SKAP2: variants seen among roughly 807,000 people sequenced by gnomAD.
SKAP2 encodes src kinase-associated phosphoprotein 2.
SKAP2 carries 28 observed loss-of-function variants against 54.9 expected under a neutral mutation model. The ratio of observed to expected loss-of-function variants is 0.51; its 90% CI spans 0.38 to 0.70. The LOEUF (loss-of-function observed/expected upper bound fraction) is 0.70, where lower values mean the gene tolerates loss of function less well. Among genes scored for constraint, SKAP2 ranks in the 30% least tolerant of loss-of-function variants. The pLI is 0.00. For missense variants in SKAP2, 356 were observed against 424.1 expected, an observed-to-expected ratio of 0.84 and a Z score of 1.41; for synonymous variants, 137 against 134.3, an observed-to-expected ratio of 1.02 and a Z score of -0.14.
At chr7:26,775,696 C>A (rs982970188) in intron 4 of SKAP2, among the ~76,000 whole-genome samples, 30 of 152,060 alleles carry the variant, frequency 2.0e-4, no homozygotes, top group Non-Finnish European at 3.4e-4. Flanking sequence ...CCTCCCACGC[C>A]CCCTTCCCTA....
At chr7:26,771,687 A>G (rs891875) in intron 4 of SKAP2, among the ~76,000 whole-genome samples, 57,965 of 152,112 alleles carry the variant, frequency 0.38, 11,629 homozygotes, top group Middle Eastern at 0.48. Context: ...TGGTTAATAA[A>G]TGTATGAACC....
At chr7:26,745,493 T>TG (rs1247983787) in intron 4 of SKAP2, among the ~76,000 whole-genome samples, 1 of 152,202 alleles carries the variant, frequency 6.6e-6, no homozygotes, top group Non-Finnish European at 1.5e-5. Flanking sequence ...GGCCACCTCC[T>TG]GGGGGGAGAT....
At chr7:26,695,019 G>A (rs1786866785) in intron 9 of SKAP2, among the ~76,000 whole-genome samples, 2 of 152,038 alleles carry the variant, frequency 1.3e-5, no homozygotes, top group Non-Finnish European at 2.9e-5. Context: ...AGCTGACACT[G>A]CTTGAAAAAA....
chr7:26,673,517 G>A (rs1786284842), intron 11 of SKAP2, among the ~76,000 whole-genome samples: 1 of 152,066 alleles, frequency 6.6e-6, no homozygotes, highest in Non-Finnish European at 1.5e-5. Context: ...ACACAAAGCT[G>A]CTTTCTCCTC....
intron 9 of SKAP2, among the ~76,000 whole-genome samples, chr7:26,703,753 A>C (rs368248739): frequency 1.3e-5 from 2 of 152,212 alleles, no homozygotes; most frequent in African/African-American, 4.8e-5. Context: ...TGTGTACTAA[A>C]CACCACTAGG....
At chr7:26,726,445 T>C (rs562773260) in intron 7 of SKAP2, among the ~76,000 whole-genome samples, 2 of 152,300 alleles carry the variant, frequency 1.3e-5, no homozygotes, top group South Asian at 2.1e-4. Context: ...GCCTAGCTGA[T>C]AGCTATTGAA....
intron 9 of SKAP2, among the ~76,000 whole-genome samples, chr7:26,712,317 A>C (rs1202645538): frequency 2.0e-5 from 3 of 152,216 alleles, no homozygotes; most frequent in Non-Finnish European, 2.9e-5. Context: ...CTGTAATTTG[A>C]TCTTAAATAC....
At chr7:26,717,654 T>G (rs1477883357) in intron 9 of SKAP2, among the ~76,000 whole-genome samples, 1 of 145,858 alleles carries the variant, frequency 6.9e-6, no homozygotes, top group African/African-American at 2.5e-5. Flanking sequence ...GGCAAAACCC[T>G]GTCTCTACTA....
intron 3 of SKAP2, among the ~76,000 whole-genome samples, chr7:26,852,317 C>T (rs77277047): frequency 6.6e-6 from 1 of 152,116 alleles, no homozygotes; most frequent in Non-Finnish European, 1.5e-5. Context: ...GGTCTGTACC[C>T]TTTACTATGC....
At chr7:26,739,829 C>A (rs1782391175) in intron 5 of SKAP2, 58 bp downstream of exon 5, 3 of 1,240,604 alleles carry the variant, frequency 2.4e-6, no homozygotes, top group East Asian at 2.4e-5. Flanking sequence ...ATACTACAAA[C>A]ATGTTCTATC....
At chr7:26,690,598 C>T (rs963941936) in intron 9 of SKAP2, among the ~76,000 whole-genome samples, 7 of 152,164 alleles carry the variant, frequency 4.6e-5, no homozygotes, top group Non-Finnish European at 7.4e-5. Flanking sequence ...AACTTTCCAA[C>T]TTTCCAATAA....
At chr7:26,717,542 A>AAAAAAAAAAAAAT in intron 9 of SKAP2, among the ~76,000 whole-genome samples, 1 of 135,596 alleles carries the variant, frequency 7.4e-6, no homozygotes, top group African/African-American at 2.9e-5. Context: ...AAAAAAAAAA[A>AAAAAAAAAAAAAT]GGGCCAGATG....
intron 9 of SKAP2, among the ~76,000 whole-genome samples, chr7:26,693,713 C>T (rs947685593): frequency 6.6e-6 from 1 of 152,118 alleles, no homozygotes. Flanking sequence ...AGGACACTTC[C>T]TTTTTCCATT....
chr7:26,750,232 C>G (rs2127966083), intron 4 of SKAP2, among the ~76,000 whole-genome samples: 1 of 151,884 alleles, frequency 6.6e-6, no homozygotes, highest in South Asian at 2.1e-4. Context: ...GGTTAGTTCC[C>G]TAAGTGTAAC....
At chr7:26,821,340 T>C (rs1784380275) in intron 4 of SKAP2, among the ~76,000 whole-genome samples, 1 of 152,044 alleles carries the variant, frequency 6.6e-6, no homozygotes, top group Non-Finnish European at 1.5e-5. Context: ...ATGACCAAGA[T>C]AAAATGTATC....
chr7:26,718,034 C>T (rs1201454216), intron 9 of SKAP2, among the ~76,000 whole-genome samples: 1 of 151,764 alleles, frequency 6.6e-6, no homozygotes, highest in African/African-American at 2.4e-5. Context: ...TACATACATA[C>T]ATACATACAT....
chr7:26,787,854 ATTTCTT>A (rs1028845450), intron 4 of SKAP2, among the ~76,000 whole-genome samples: 15 of 152,048 alleles, frequency 9.9e-5, no homozygotes, highest in African/African-American at 3.4e-4. Context: ...CGGGGATTAC[ATTTCTT>A]TTTCTTTTTC....
At chr7:26,732,496 A>T (rs2127958519) in intron 6 of SKAP2, among the ~76,000 whole-genome samples, 1 of 152,352 alleles carries the variant, frequency 6.6e-6, no homozygotes, top group South Asian at 2.1e-4. Flanking sequence ...TTATACCAAG[A>T]ACACTAACTT....
At chr7:26,724,176 T>C (rs1428574075) in intron 9 of SKAP2, among the ~76,000 whole-genome samples, 25 of 152,178 alleles carry the variant, frequency 1.6e-4, no homozygotes, top group Non-Finnish European at 2.9e-5. Flanking sequence ...ATTTATAATA[T>C]TGTTAAAATT....
Sources: gnomAD v4.1 joint callset for allele counts (sites outside exome capture counted in the v4.1 genomes callset) on GRCh38, gnomAD v4.1.1 for gene constraint, MANE v1.5 for transcripts, NCBI Gene and HGNC (gene_info 2026-07-23, HGNC 2026-07-21) for gene names.